Variants in ATP7B observed in about 807,000 individuals in gnomAD.
The protein encoded by ATP7B is copper-transporting ATPase 2.
ATP7B carries 113 observed loss-of-function variants against 118.9 expected under a neutral mutation model. The ratio of observed to expected loss-of-function variants is 0.95; its 90% CI spans 0.82 to 1.11. The LOEUF (loss-of-function observed/expected upper bound fraction) is 1.11, where lower values mean the gene tolerates loss of function less well. ATP7B is among the 50% of genes most tolerant of loss of function. The probability of loss-of-function intolerance (pLI) is 0.00; values close to 1 mark genes in which losing one functional copy is unlikely to be tolerated. For missense variants in ATP7B, 1,867 were observed against 1,871.4 expected, an observed-to-expected ratio of 1.00 and a Z score of 0.04; for synonymous variants, 777 against 727.4, an observed-to-expected ratio of 1.07 and a Z score of -1.10.
chr13:51,950,612 G>A (rs1206587228), intron 9 of ATP7B, among the ~76,000 whole-genome samples: 1 of 152,170 alleles, frequency 6.6e-6, no homozygotes, highest in African/African-American at 2.4e-5. Flanking sequence ...CACAGCAAAG[G>A]CCCTACTACC....
intron 17 of ATP7B, among the ~76,000 whole-genome samples, chr13:51,938,716 T>G (rs758024280): frequency 1.3e-5 from 2 of 152,164 alleles, no homozygotes; most frequent in Non-Finnish European, 2.9e-5. Context: ...GCTGGCAAAA[T>G]CTTCCCTTAA....
intron 5 of ATP7B, among the ~76,000 whole-genome samples, chr13:51,962,258 C>G (rs769661169): frequency 3.4e-4 from 51 of 152,176 alleles, no homozygotes; most frequent in Non-Finnish European, 5.1e-4. Flanking sequence ...GGATAAATAC[C>G]TTGCCCAAAG....
intron 9 of ATP7B, among the ~76,000 whole-genome samples, chr13:51,955,734 G>A (rs543554158): frequency 6.6e-6 from 1 of 151,884 alleles, no homozygotes; most frequent in South Asian, 2.1e-4. Context: ...TTGGCTCCCT[G>A]TCTGAACGTT....
At chr13:52,003,692 T>G (rs1002079957) in intron 1 of ATP7B, among the ~76,000 whole-genome samples, 1 of 151,116 alleles carries the variant, frequency 6.6e-6, no homozygotes, top group South Asian at 2.1e-4. Context: ...CTGTCACAAG[T>G]AGGCAGTGAC....
At chr13:52,008,716 T>A (rs905020211) in intron 1 of ATP7B, among the ~76,000 whole-genome samples, 2 of 152,220 alleles carry the variant, frequency 1.3e-5, no homozygotes, top group African/African-American at 2.4e-5. Flanking sequence ...TCACACTTTA[T>A]GGTTTCTCAA....
At chr13:51,987,066 C>T (rs1952686807) in intron 1 of ATP7B, among the ~76,000 whole-genome samples, 1 of 152,128 alleles carries the variant, frequency 6.6e-6, no homozygotes, top group African/African-American at 2.4e-5. Flanking sequence ...AAGTTCTGGC[C>T]AGGGCAATCA....
Position 51,934,503 on chromosome 13 carries a change from G to A in ATP7B, c.*253C>T. The A allele has an allele frequency of 3.5e-6, 2 of 567,624 alleles. No homozygotes were observed. Among genetic ancestry groups the A allele is most frequent in the South Asian group, 3.9e-5 (2 of 51,228 alleles). The allele number at this position is 567,624 out of a possible 1,614,324, so 35.2% of individuals were successfully genotyped here. On this transcript the variant is annotated 3_prime_UTR_variant, in exon 21 of 21. Coordinates refer to ENST00000242839, the MANE Select transcript of ATP7B (RefSeq NM_000053.4). ...CTCTCACCTTCTACAGTCCAGCCAA[G>A]GACTAGAGTCCAAGACAAAGCCCAT...
intron 1 of ATP7B, among the ~76,000 whole-genome samples, chr13:51,983,998 C>T (rs1018895220): frequency 3.9e-5 from 6 of 151,998 alleles, no homozygotes; most frequent in African/African-American, 1.4e-4. Context: ...ACCAGAATGC[C>T]TCTTCTCCTT....
chr13:51,992,179 G>T (rs1232232389), intron 1 of ATP7B, among the ~76,000 whole-genome samples: 1 of 151,400 alleles, frequency 6.6e-6, no homozygotes, highest in African/African-American at 2.4e-5. Flanking sequence ...AAATCTGCTA[G>T]GCATAAACAG....
intron 1 of ATP7B, among the ~76,000 whole-genome samples, chr13:51,998,154 C>T (rs555512549): frequency 6.6e-6 from 1 of 152,162 alleles, no homozygotes; most frequent in Admixed American, 6.5e-5. Context: ...TATCTGAATT[C>T]CAGCATCACT....
At chr13:51,986,103 C>CA (rs893544161) in intron 1 of ATP7B, among the ~76,000 whole-genome samples, 2 of 151,926 alleles carry the variant, frequency 1.3e-5, no homozygotes, top group African/African-American at 2.4e-5. Flanking sequence ...AAAAACCTTT[C>CA]AAAAAAATCA....
In ATP7B at chr13:51,974,262, G is replaced by A. The variant is rs757954681; in HGVS notation, c.958C>T (p.Pro320Ser). 28 of 1,614,002 alleles carry A rather than the reference G, an allele frequency of 1.7e-5. No individual in the cohort carries two copies. In the African/African-American group the frequency reaches 2.8e-4, roughly 16 times the overall value. Residue 320 changes from proline to serine, a missense_variant, in exon 2 of 21, where the codon CCT (proline) becomes TCT (serine). Physicochemically the swap from Pro to Ser is moderately conservative, Grantham distance 74 (BLOSUM62 -1). Transcript: ENST00000242839. ...ALQRAIEALP[P>S]GNFKVSLPDG... ...GGAAGAGAAACTTTAAAATTCCCAG[G>A]TGGAAGTGCCTCGATAGCCCTCTGC... is the stretch of plus-strand genomic sequence containing the variant.
intron 12 of ATP7B, among the ~76,000 whole-genome samples, chr13:51,948,232 T>C (rs1232450642): frequency 6.6e-6 from 1 of 152,172 alleles, no homozygotes; most frequent in Non-Finnish European, 1.5e-5. Flanking sequence ...GGATTTTTTT[T>C]AAAAGAAAAA....
intron 1 of ATP7B, among the ~76,000 whole-genome samples, chr13:52,000,721 T>C (rs1305056951): frequency 6.6e-6 from 1 of 152,198 alleles, no homozygotes; most frequent in Non-Finnish European, 1.5e-5. Context: ...TGGATCCCTC[T>C]TTGATAAGAA....
intron 1 of ATP7B, among the ~76,000 whole-genome samples, chr13:51,987,423 A>G (rs1177787678): frequency 6.6e-6 from 1 of 152,256 alleles, no homozygotes; most frequent in Non-Finnish European, 1.5e-5. Flanking sequence ...GGACACAAAC[A>G]AATGGAAAAA....
chr13:51,953,851 T>TAAAAAACAAAAACA (rs1958162288), intron 9 of ATP7B, among the ~76,000 whole-genome samples: 1 of 94,364 alleles, frequency 1.1e-5, no homozygotes, highest in Non-Finnish European at 2.1e-5. Flanking sequence ...CCATCAATTG[T>TAAAAAACAAAAACA]AAAAAAAAAA....
intron 1 of ATP7B, among the ~76,000 whole-genome samples, chr13:51,986,868 C>T (rs1217138629): frequency 6.6e-6 from 1 of 152,106 alleles, no homozygotes; most frequent in Admixed American, 6.6e-5. Flanking sequence ...AAATTCAACA[C>T]CCCTTCATGC....
intron 19 of ATP7B, among the ~76,000 whole-genome samples, chr13:51,936,706 T>C (rs1348318910): frequency 6.6e-6 from 1 of 151,994 alleles, no homozygotes. Context: ...TTAAAATTTT[T>C]TGTAGAGATG....
chr13:51,963,183 G>A (rs1289947292), intron 5 of ATP7B, among the ~76,000 whole-genome samples: 1 of 152,070 alleles, frequency 6.6e-6, no homozygotes, highest in Non-Finnish European at 1.5e-5. Flanking sequence ...GACTGCATCA[G>A]TCTGATGTCT....
Sources: allele counts gnomAD v4.1 joint callset (sites outside exome capture counted in the v4.1 genomes callset), GRCh38; gene constraint gnomAD v4.1.1; transcripts MANE v1.5; gene names NCBI Gene and HGNC (gene_info 2026-07-23, HGNC 2026-07-21).